MYRIP: variants seen among roughly 807,000 people sequenced by gnomAD.
MYRIP encodes rab effector MyRIP.
MYRIP carries 49 observed loss-of-function variants against 98.0 expected under a neutral mutation model. The ratio of observed to expected loss-of-function variants is 0.50; its 90% CI spans 0.40 to 0.63. The LOEUF is 0.63. MYRIP is among the 30% of genes least tolerant of loss of function. MYRIP has a pLI of 0.00. For missense variants in MYRIP, 1,004 were observed against 1,058.2 expected, an observed-to-expected ratio of 0.95 and a Z score of 0.71; for synonymous variants, 404 against 409.5, an observed-to-expected ratio of 0.99 and a Z score of 0.16.
At chr3:39,924,564 C>T (rs977360627) in intron 2 of MYRIP, among the ~76,000 whole-genome samples, 4 of 151,906 alleles carry the variant, frequency 2.6e-5, no homozygotes, top group Non-Finnish European at 5.9e-5. Flanking sequence ...TCCCAACAAC[C>T]GATAGAACAA....
chr3:40,143,227 C>T (rs769485626), intron 3 of MYRIP, among the ~76,000 whole-genome samples: 1 of 152,194 alleles, frequency 6.6e-6, no homozygotes, highest in Admixed American at 6.5e-5. Context: ...AGTGAATGAA[C>T]AAATAAATGA....
chr3:39,968,004 G>T (rs1034927074), intron 2 of MYRIP, among the ~76,000 whole-genome samples: 6 of 152,062 alleles, frequency 3.9e-5, no homozygotes, highest in Non-Finnish European at 8.8e-5. Context: ...TGCATAGTTT[G>T]TAAATTTTTT....
chr3:39,968,726 C>A (rs947485527), intron 2 of MYRIP, among the ~76,000 whole-genome samples: 1 of 152,110 alleles, frequency 6.6e-6, no homozygotes, highest in Non-Finnish European at 1.5e-5. Context: ...GTTACCAAAG[C>A]CTTGTAGTAT....
At chr3:40,237,420 G>A (rs1411644545) in intron 12 of MYRIP, among the ~76,000 whole-genome samples, 1 of 152,184 alleles carries the variant, frequency 6.6e-6, no homozygotes, top group African/African-American at 2.4e-5. Flanking sequence ...CACCCTCCCA[G>A]TGTGACAGTC....
chr3:40,017,637 G>A (rs1215486858), intron 2 of MYRIP, among the ~76,000 whole-genome samples: 2 of 151,506 alleles, frequency 1.3e-5, no homozygotes, highest in South Asian at 2.1e-4. Context: ...ATTTAATCAG[G>A]TAGATTTCCT....
intron 11 of MYRIP, among the ~76,000 whole-genome samples, chr3:40,219,597 T>G: frequency 6.6e-6 from 1 of 152,168 alleles, no homozygotes; most frequent in Non-Finnish European, 1.5e-5. Context: ...TGGTTTTTTG[T>G]CCTTGCGATA....
intron 2 of MYRIP, among the ~76,000 whole-genome samples, chr3:40,028,241 G>C (rs983841233): frequency 6.6e-6 from 1 of 152,090 alleles, no homozygotes; most frequent in Non-Finnish European, 1.5e-5. Context: ...TAAGATGCCT[G>C]TTGTAAGACC....
intron 2 of MYRIP, among the ~76,000 whole-genome samples, chr3:39,970,502 C>A (rs1183793469): frequency 1.3e-5 from 2 of 151,984 alleles, no homozygotes; most frequent in African/African-American, 4.8e-5. Flanking sequence ...TAAGACAAAG[C>A]CCCCCATCTC....
chr3:40,258,225 G>C lies in MYRIP; in HGVS notation c.*59G>C. ...CTCCGGCCGTACACGACAGTGCCTT[G>C]ACCCAACAGCCATCGAGTACTGTAT... On this transcript the variant is annotated 3_prime_UTR_variant, in exon 17 of 17. Transcript: ENST00000302541. 1 of 1,597,584 alleles carries C rather than the reference G, an allele frequency of 6.3e-7. No individual in the cohort carries two copies. The highest frequency in any genetic ancestry group is 1.1e-5 in the South Asian group (1 of 90,698).
At chr3:39,824,767 G>A (rs1322376217) in intron 1 of MYRIP, among the ~76,000 whole-genome samples, 1 of 151,616 alleles carries the variant, frequency 6.6e-6, no homozygotes, top group African/African-American at 2.4e-5. Flanking sequence ...CCAGGATAGA[G>A]TGCAGTGGCA....
At chr3:39,982,584 T>C (rs1369245328) in intron 2 of MYRIP, among the ~76,000 whole-genome samples, 1 of 152,186 alleles carries the variant, frequency 6.6e-6, no homozygotes, top group Non-Finnish European at 1.5e-5. Flanking sequence ...TCTTGGGAAC[T>C]ACACAAAATA....
At chr3:40,028,787 A>G (rs1413804907) in intron 2 of MYRIP, among the ~76,000 whole-genome samples, 1 of 151,964 alleles carries the variant, frequency 6.6e-6, no homozygotes, top group African/African-American at 2.4e-5. Context: ...ATTATAAGTC[A>G]TACTATACAA....
At chr3:39,986,245 A>G (rs1470886165) in intron 2 of MYRIP, among the ~76,000 whole-genome samples, 2 of 152,326 alleles carry the variant, frequency 1.3e-5, no homozygotes, top group East Asian at 3.9e-4. Context: ...GTCAGAGCAC[A>G]TGTCCCCAAA....
At chr3:40,090,886 C>T (rs983664667) in intron 3 of MYRIP, among the ~76,000 whole-genome samples, 2 of 152,138 alleles carry the variant, frequency 1.3e-5, no homozygotes, top group Admixed American at 6.5e-5. Context: ...GCTGTCTCCT[C>T]CAACATGCAG....
At chr3:40,031,426 G>T (rs1947258416) in intron 2 of MYRIP, among the ~76,000 whole-genome samples, 1 of 152,118 alleles carries the variant, frequency 6.6e-6, no homozygotes. Context: ...GGGAAACAGG[G>T]CTCTAGGTTC....
At chr3:39,822,319 A>G (rs990349999) in intron 1 of MYRIP, among the ~76,000 whole-genome samples, 10 of 152,190 alleles carry the variant, frequency 6.6e-5, no homozygotes, top group East Asian at 1.9e-4. Context: ...GATACATTCA[A>G]TGTCATACTT....
intron 2 of MYRIP, among the ~76,000 whole-genome samples, chr3:40,019,739 A>G (rs1388696439): frequency 6.9e-6 from 1 of 144,494 alleles, no homozygotes; most frequent in Non-Finnish European, 1.5e-5. Context: ...TTTTTGTTAG[A>G]CAACACATAA....
At chr3:39,925,661 T>G (rs1249101576) in intron 2 of MYRIP, among the ~76,000 whole-genome samples, 2 of 152,126 alleles carry the variant, frequency 1.3e-5, no homozygotes, top group Non-Finnish European at 2.9e-5. Context: ...AGACATAATA[T>G]CATTCTTTTT....
At chr3:40,144,426 G>A in intron 3 of MYRIP, among the ~76,000 whole-genome samples, 1 of 152,200 alleles carries the variant, frequency 6.6e-6, no homozygotes, top group African/African-American at 2.4e-5. Context: ...GACTAAGTTG[G>A]AGAGGGAGGG....
Sources: allele counts gnomAD v4.1 joint callset (sites outside exome capture counted in the v4.1 genomes callset), GRCh38; gene constraint gnomAD v4.1.1; transcripts MANE v1.5; gene names NCBI Gene and HGNC (gene_info 2026-07-23, HGNC 2026-07-21).